Variants in FAM78B observed in about 807,000 individuals in gnomAD.
FAM78B encodes family with sequence similarity 78 member B, also known as protein FAM78B.
A neutral mutation model predicts 20.0 loss-of-function variants in FAM78B; 10 were observed. That is an observed-to-expected ratio of 0.50 (90% CI 0.31 to 0.85). The LOEUF is 0.85. Ranked by LOEUF, FAM78B falls within the 40% of genes least tolerant of loss-of-function variation. The pLI, the probability that FAM78B is intolerant of heterozygous loss-of-function variation, is 0.05. For missense variants in FAM78B, 283 were observed against 345.0 expected, an observed-to-expected ratio of 0.82 and a Z score of 1.42; for synonymous variants, 135 against 132.8, an observed-to-expected ratio of 1.02 and a Z score of -0.12.
chr1:166,118,420 AC>A (rs1393823139), intron 1 of FAM78B, among the ~76,000 whole-genome samples: 1 of 152,180 alleles, frequency 6.6e-6, no homozygotes, highest in African/African-American at 2.4e-5. Context: ...AAATAAAAGA[AC>A]CAATAATTTC....
At chr1:166,101,595 GAAGA>G (rs1416408915) in intron 1 of FAM78B, among the ~76,000 whole-genome samples, 1 of 152,246 alleles carries the variant, frequency 6.6e-6, no homozygotes, top group East Asian at 1.9e-4. Context: ...CGATCAACTG[GAAGA>G]AAGGGTATCA....
At chr1:166,121,719 C>T (rs185024235) in intron 1 of FAM78B, among the ~76,000 whole-genome samples, 2 of 152,298 alleles carry the variant, frequency 1.3e-5, no homozygotes, top group East Asian at 3.9e-4. Flanking sequence ...ATCCTCCTAA[C>T]AACTCTATGA....
chr1:166,067,240 T>A (rs1651829791), downstream of FAM78B, among the ~76,000 whole-genome samples: 1 of 152,188 alleles, frequency 6.6e-6, no homozygotes, highest in Non-Finnish European at 1.5e-5. Context: ...TTCAGCTGGC[T>A]AGGTATACCA....
At chr1:166,137,387 C>T (rs193099958) in intron 1 of FAM78B, among the ~76,000 whole-genome samples, 1 of 152,314 alleles carries the variant, frequency 6.6e-6, no homozygotes, top group Admixed American at 6.5e-5. Flanking sequence ...CTAGTCCAAC[C>T]TATTTATTTT....
intron 1 of FAM78B, among the ~76,000 whole-genome samples, chr1:166,071,330 A>G (rs915120643): frequency 1.3e-5 from 2 of 152,262 alleles, no homozygotes; most frequent in African/African-American, 4.8e-5. Context: ...ATAGAAAATC[A>G]TAACATGAGA....
chr1:166,069,239 GTGTC>G (rs1414878680), downstream of FAM78B, among the ~76,000 whole-genome samples: 3 of 152,152 alleles, frequency 2.0e-5, no homozygotes, highest in Non-Finnish European at 4.4e-5. Context: ...GTGTGTGTGT[GTGTC>G]TATGCATACA....
downstream of FAM78B, among the ~76,000 whole-genome samples, chr1:166,068,027 G>A (rs574364903): frequency 7.2e-5 from 11 of 152,204 alleles, no homozygotes; most frequent in Non-Finnish European, 1.5e-4. Context: ...ATGCACTAGG[G>A]GAATTTGCAA....
chr1:166,106,463 T>TAGTA (rs1653790768), intron 1 of FAM78B, among the ~76,000 whole-genome samples: 1 of 150,486 alleles, frequency 6.6e-6, no homozygotes, highest in Middle Eastern at 3.2e-3. Flanking sequence ...AAAGAAAATA[T>TAGTA]AGTACACATA....
chr1:166,076,337 A>G (rs1652274673), intron 1 of FAM78B, among the ~76,000 whole-genome samples: 1 of 152,178 alleles, frequency 6.6e-6, no homozygotes, highest in East Asian at 1.9e-4. Flanking sequence ...TGTTCATTGA[A>G]CATGCCAAAT....
At chr1:166,082,712 A>C (rs956152517) in intron 1 of FAM78B, 2 of 152,508 alleles carry the variant, frequency 1.3e-5, no homozygotes, top group African/African-American at 4.8e-5. Context: ...TGAATGGGGC[A>C]AGTGTTTCTG....
chr1:166,055,928 G>A (rs1651328898), downstream of FAM78B, among the ~76,000 whole-genome samples: 1 of 152,120 alleles, frequency 6.6e-6, no homozygotes, highest in Non-Finnish European at 1.5e-5. Flanking sequence ...TTCAGCAATT[G>A]CCAGTTCCTT....
chr1:166,132,677 T>A (rs922922050), intron 1 of FAM78B, among the ~76,000 whole-genome samples: 1 of 152,164 alleles, frequency 6.6e-6, no homozygotes, highest in Non-Finnish European at 1.5e-5. Flanking sequence ...AGACAAAAAT[T>A]TTCATGTTAG....
At chr1:166,088,007 T>TG (rs529869055) in intron 1 of FAM78B, among the ~76,000 whole-genome samples, 390 of 152,232 alleles carry the variant, frequency 2.6e-3, no homozygotes, top group Middle Eastern at 6.8e-3. Flanking sequence ...TTCTGCACCC[T>TG]GGGGAGGGTG....
chr1:166,121,481 G>C (rs1347045503), intron 1 of FAM78B, among the ~76,000 whole-genome samples: 1 of 152,200 alleles, frequency 6.6e-6, no homozygotes, highest in Non-Finnish European at 1.5e-5. Context: ...GAATGGTCTA[G>C]AAGGAAGGGT....
chr1:166,090,923 C>T (rs1348022619), intron 1 of FAM78B, among the ~76,000 whole-genome samples: 1 of 152,206 alleles, frequency 6.6e-6, no homozygotes, highest in Non-Finnish European at 1.5e-5. Flanking sequence ...TCAATCCTCA[C>T]AACAACCCAG....
At chr1:166,098,925 T>C (rs1166067338) in intron 1 of FAM78B, among the ~76,000 whole-genome samples, 1 of 152,260 alleles carries the variant, frequency 6.6e-6, no homozygotes, top group Non-Finnish European at 1.5e-5. Flanking sequence ...GAAAAGATCT[T>C]TGCCTAGACA....
intron 1 of FAM78B, among the ~76,000 whole-genome samples, chr1:166,077,836 T>C (rs184087623): frequency 2.1e-4 from 24 of 115,014 alleles, no homozygotes; most frequent in African/African-American, 8.1e-4. Context: ...ATATATATAA[T>C]TTATATATAT....
chr1:166,109,839 T>TATAC (rs1653942766), intron 1 of FAM78B, among the ~76,000 whole-genome samples: 1 of 15,616 alleles, frequency 6.4e-5, no homozygotes, highest in Non-Finnish European at 1.3e-4. Flanking sequence ...TATGTATATA[T>TATAC]GTATATATAT....
intron 1 of FAM78B, among the ~76,000 whole-genome samples, chr1:166,097,970 G>A (rs565440341): frequency 4.0e-4 from 61 of 152,250 alleles, no homozygotes; most frequent in African/African-American, 1.2e-3. Context: ...GGACCCTCAC[G>A]GAGTCCACTA....
Sources: gnomAD v4.1 joint callset for allele counts (sites outside exome capture counted in the v4.1 genomes callset) on GRCh38, gnomAD v4.1.1 for gene constraint, MANE v1.5 for transcripts, NCBI Gene and HGNC (gene_info 2026-07-23, HGNC 2026-07-21) for gene names.